Variants in VLDLR observed in about 807,000 individuals in gnomAD.
VLDLR encodes very low density lipoprotein receptor.
VLDLR carries 81 observed loss-of-function variants against 112.7 expected under a neutral mutation model. The ratio of observed to expected loss-of-function variants is 0.72; its 90% CI spans 0.60 to 0.86. VLDLR has a LOEUF of 0.86. Among genes scored for constraint, VLDLR ranks in the 40% least tolerant of loss-of-function variants. VLDLR has a pLI of 0.00. For missense variants in VLDLR, 1,237 were observed against 1,099.4 expected, an observed-to-expected ratio of 1.13 and a Z score of -1.77; for synonymous variants, 436 against 384.8, an observed-to-expected ratio of 1.13 and a Z score of -1.56.
rs901884453 is a variant in VLDLR, at chr9:2,622,312, G to T, written c.82+41G>T. The T allele has an allele frequency of 8.0e-5, 115 of 1,431,860 alleles. No individual in the cohort carries two copies. The Middle Eastern group carries it at 1.2e-3, about 15-fold the overall frequency. The allele number at this position is 1,431,860 out of a possible 1,614,324, so 88.7% of individuals were successfully genotyped here. ...CCCCTCCGCCGGCGGGCGGGACCCA[G>T]CCGGGGCACCGGGAGACCCCGAGGC... On this transcript the variant is annotated intron_variant, in intron 1 of 18. Transcript: ENST00000382100.
intron 1 of VLDLR, among the ~76,000 whole-genome samples, chr9:2,630,865 G>T (rs1817318562): frequency 6.6e-6 from 1 of 152,110 alleles, no homozygotes; most frequent in Non-Finnish European, 1.5e-5. Context: ...CACAGCAAAA[G>T]AAATAATCAA....
rs1817905439 is a variant in VLDLR, at chr9:2,643,248, C to T, written c.537C>T (p.Cys179=). The T allele has an allele frequency of 6.2e-7, 1 of 1,614,126 alleles. No individual in the cohort carries two copies. The change falls in exon 5 of 19, where the codon TGC becomes TGT. Residue 179 remains cysteine, a synonymous_variant. Coordinates refer to ENST00000382100, the MANE Select transcript of VLDLR (RefSeq NM_003383.5). ...RNFVCNGQDD[C]SDGSDELDCA... Reference sequence around the variant, plus strand: ...TTGTATGCAATGGCCAGGATGACTGCAGCGATGGCAGTGATGAGCTGGACT... The same window carrying T: ...TTGTATGCAATGGCCAGGATGACTGTAGCGATGGCAGTGATGAGCTGGACT...
In VLDLR at chr9:2,647,655, C is replaced by T. The variant is rs1818135973; in HGVS notation, c.1822+63C>T. The stretch of plus-strand genomic sequence containing the variant: ...ATCTTCATAGTGTTTCCATTTATCT[C>T]CATGGTGAATTCTGGACTAGCAGAT... On this transcript the variant is annotated intron_variant, in intron 12 of 18. Coordinates refer to ENST00000382100, the MANE Select transcript of VLDLR (RefSeq NM_003383.5). 2.8e-6 allele frequency: 4 copies of T among 1,423,926 alleles called. No individual in the cohort carries two copies. In the East Asian group the frequency reaches 9.1e-5, roughly 32 times the overall value. 88.2% of individuals were successfully genotyped at this position (1,423,926 alleles called of 1,614,324 possible).
chr9:2,657,053 C>T lies in VLDLR; in HGVS notation c.*3185C>T, dbSNP rs1379037455. 6.6e-6 allele frequency: 1 copy of T among 150,808 alleles called. No homozygotes were observed. The highest frequency in any genetic ancestry group is 1.5e-5 in the Non-Finnish European group (1 of 67,802). 9.3% of individuals were successfully genotyped at this position (150,808 alleles called of 1,614,324 possible). A position where few individuals can be genotyped will look rare whatever the true frequency, so the allele number is the denominator to read the frequency against. ...CCCTTCTCAAAAATGAGAAGCCAAGCTTTAAATAGCAAACTACAGGGTATT... is the reference window on the plus strand; with the variant it reads ...CCCTTCTCAAAAATGAGAAGCCAAGTTTTAAATAGCAAACTACAGGGTATT... On this transcript the variant is annotated 3_prime_UTR_variant, in exon 19 of 19. Coordinates refer to ENST00000382100, the MANE Select transcript of VLDLR (RefSeq NM_003383.5).
At chr9:2,625,289 A>G (rs148899069) in intron 1 of VLDLR, among the ~76,000 whole-genome samples, 436 of 152,356 alleles carry the variant, frequency 2.9e-3, no homozygotes, top group African/African-American at 9.9e-3. Context: ...CCATAAGATC[A>G]AGGGAACACA....
At chr9:2,634,777 A>G (rs965463941) in intron 1 of VLDLR, among the ~76,000 whole-genome samples, 3 of 152,112 alleles carry the variant, frequency 2.0e-5, no homozygotes, top group Admixed American at 6.5e-5. Flanking sequence ...TGTTTTTCCA[A>G]TTAGACCTCA....
At chr9:2,646,928 C>CATTGCA (rs1158083061) in intron 11 of VLDLR, among the ~76,000 whole-genome samples, 20 of 152,224 alleles carry the variant, frequency 1.3e-4, no homozygotes, top group Admixed American at 5.9e-4. Flanking sequence ...ACCTAAACGA[C>CATTGCA]AGCCTGAATT....
At chr9:2,631,876 C>G (rs933091082) in intron 1 of VLDLR, among the ~76,000 whole-genome samples, 1 of 151,920 alleles carries the variant, frequency 6.6e-6, no homozygotes, top group African/African-American at 2.4e-5. Context: ...CAAGAAGAAC[C>G]CTGTTTTTCT....
intron 12 of VLDLR, among the ~76,000 whole-genome samples, chr9:2,647,987 C>G (rs1054873144): frequency 2.0e-5 from 3 of 152,192 alleles, no homozygotes; most frequent in African/African-American, 7.2e-5. Flanking sequence ...AGTAATATTT[C>G]TTAAGTCATT....
intron 1 of VLDLR, among the ~76,000 whole-genome samples, chr9:2,630,100 G>C (rs1026793618): frequency 1.3e-5 from 2 of 152,092 alleles, no homozygotes; most frequent in African/African-American, 4.8e-5. Context: ...GGCCCAAACT[G>C]GTTCTTACAA....
In VLDLR at chr9:2,644,757, A is replaced by G; in HGVS notation, c.1090A>G (p.Asn364Asp). 6.2e-7 allele frequency: 1 copy of G among 1,614,170 alleles called. No homozygotes were observed. Among genetic ancestry groups the G allele is most frequent in the Non-Finnish European group, 8.5e-7 (1 of 1,180,036 alleles). ...ECHINECLVNNGGCSHICKDL... is the reference protein window; with the variant it reads ...ECHINECLVNDGGCSHICKDL... ...AGATATAAACGAATGCTTGGTAAAT[A>G]ATGGTGGATGTTCTCATATCTGCAA... Residue 364 changes from asparagine to aspartate, a missense_variant, in exon 8 of 19, where the codon AAT becomes GAT. Coordinates refer to ENST00000382100, the MANE Select transcript of VLDLR (RefSeq NM_003383.5).
At chr9:2,641,694 G>A (rs181324359) in intron 4 of VLDLR, among the ~76,000 whole-genome samples, 195 bp downstream of exon 4, 1 of 152,244 alleles carries the variant, frequency 6.6e-6, no homozygotes, top group East Asian at 1.9e-4. Flanking sequence ...ATTGACCATC[G>A]CTTGGTGTTT....
chr9:2,643,887 A>G lies in VLDLR; in HGVS notation c.994A>G (p.Ile332Val). The G allele has an allele frequency of 6.2e-7, 1 of 1,614,188 alleles. No homozygotes were observed. The highest frequency in any genetic ancestry group is 8.5e-7 in the Non-Finnish European group (1 of 1,180,040). Residue 332 changes from isoleucine (I) to valine (V), a missense_variant, in exon 7 of 19, where the codon ATA becomes GTA. By Grantham distance (29) the Ile-to-Val change is conservative. Transcript: ENST00000382100. Reference protein sequence around the residue: ...GKFKCRSGECIDISKVCNQEQ... With the variant: ...GKFKCRSGECVDISKVCNQEQ... ...ATTCAAGTGCAGAAGTGGAGAATGC[A>G]TAGATATCAGCAAAGTATGTAACCA...
In VLDLR at chr9:2,646,330, T is replaced by G; in HGVS notation, c.1485-4T>G. ...TAAATTTCTTGTGACCTATTCTGTT[T>G]CAGTGCCTCAATTGATGACAAGGTT... is the stretch of plus-strand genomic sequence containing the variant. On this transcript the variant is annotated splice_region_variant and splice_polypyrimidine_tract_variant and intron_variant, in intron 10 of 18. Transcript: ENST00000382100. 6.2e-7 allele frequency: 1 copy of G among 1,614,098 alleles called. No individual in the cohort carries two copies. The highest frequency in any genetic ancestry group is 1.3e-5 in the African/African-American group (1 of 75,064).
At position 2,639,981 on chromosome 9, in the gene VLDLR, C is replaced by T. The variant is rs1008771346; in HGVS notation, c.325C>T (p.His109Tyr). 18 of 1,614,178 alleles carry T rather than the reference C, an allele frequency of 1.1e-5. No individual in the cohort carries two copies. Among genetic ancestry groups the T allele is most frequent in the Middle Eastern group, 3.3e-4 (2 of 6,062 alleles). ...TTCAGATGAAAGCCCAGAACAGTGC[C>T]GTGAGTGTAACTTGCTTTGGCCTTG... is the stretch of plus-strand genomic sequence containing the variant. ...DGSDESPEQC[H>Y]MRTCRIHEIS... The change falls in exon 3 of 19, where the codon CAT (histidine) becomes TAT (tyrosine). Residue 109 changes from histidine to tyrosine, a missense_variant and splice_region_variant. Coordinates refer to ENST00000382100, the MANE Select transcript of VLDLR (RefSeq NM_003383.5).
intron 4 of VLDLR, among the ~76,000 whole-genome samples, chr9:2,642,352 T>C (rs1299435127): frequency 6.6e-6 from 1 of 152,172 alleles, no homozygotes; most frequent in African/African-American, 2.4e-5. Flanking sequence ...AGTCGCCTCC[T>C]GAGGTCAATA....
intron 14 of VLDLR, among the ~76,000 whole-genome samples, chr9:2,649,837 AT>A (rs1818241533): frequency 6.6e-6 from 1 of 152,210 alleles, no homozygotes; most frequent in South Asian, 2.1e-4. Context: ...CATTCAACTC[AT>A]AACACCTACT....
intron 1 of VLDLR, among the ~76,000 whole-genome samples, chr9:2,632,832 C>T (rs1817417482): frequency 6.6e-6 from 1 of 152,104 alleles, no homozygotes; most frequent in Non-Finnish European, 1.5e-5. Context: ...CAGTAGCAGT[C>T]CCTCAAAACA....
chr9:2,639,596 G>C (rs1269471497), intron 2 of VLDLR, among the ~76,000 whole-genome samples: 1 of 152,166 alleles, frequency 6.6e-6, no homozygotes, highest in East Asian at 1.9e-4. Context: ...TTAAATGTAA[G>C]GTATCTCCGA....
Sources: allele counts gnomAD v4.1 joint callset (sites outside exome capture counted in the v4.1 genomes callset), GRCh38; gene constraint gnomAD v4.1.1; transcripts MANE v1.5; gene names NCBI Gene and HGNC (gene_info 2026-07-23, HGNC 2026-07-21).